Variants in ANKRD13B observed in about 807,000 individuals in gnomAD.
ANKRD13B encodes ankyrin repeat domain-containing protein 13B.
ANKRD13B carries 33 observed loss-of-function variants against 74.4 expected under a neutral mutation model. That is an observed-to-expected ratio of 0.44 (90% confidence interval 0.34 to 0.59). The LOEUF is 0.59. ANKRD13B is among the 20% of genes least tolerant of loss of function. The pLI is 0.02. For synonymous variants in ANKRD13B, 341 were observed against 362.9 expected (o/e 0.94, Z 0.68); for missense variants, 676 against 877.9 (o/e 0.77, Z 2.91).
intron 7 of ANKRD13B, among the ~76,000 whole-genome samples, 197 bp from the exon 8 acceptor site, chr17:29,610,488 G>T (rs890209895): frequency 1.3e-5 from 2 of 152,140 alleles, no homozygotes; most frequent in Admixed American, 6.5e-5. Flanking sequence ...GCACATAAAG[G>T]CTCCTCAAAA....
rs964793712 is a variant in ANKRD13B at position 29,593,604 on chromosome 17, C to T, written c.-18C>T. On this transcript the variant is annotated 5_prime_UTR_variant, in exon 1 of 15. Transcript: ENST00000394859. ...CCTCCCCGGCCGGGCGCCGCGGCCCCGGCATGAGGAGCGGGCGATGATCCC... is the reference window on the plus strand; with the variant it reads ...CCTCCCCGGCCGGGCGCCGCGGCCCTGGCATGAGGAGCGGGCGATGATCCC... 9.4e-6 allele frequency: 12 copies of T among 1,274,570 alleles called. No individual in the cohort carries two copies. The Admixed American group carries it at 3.8e-4, about 40-fold the overall frequency. 79.0% of individuals were successfully genotyped at this position (1,274,570 alleles called of 1,614,324 possible). A position where few individuals can be genotyped will look rare whatever the true frequency, so the allele number is the denominator to read the frequency against.
At chr17:29,607,689 G>A (rs1360115024) in intron 1 of ANKRD13B, 53 bp from the exon 2 acceptor site, 34 of 1,557,124 alleles carry the variant, frequency 2.2e-5, no homozygotes, top group Non-Finnish European at 2.8e-5. Context: ...GGCTCCGGAG[G>A]GCTGCCTCCG....
chr17:29,613,527 G>C lies in ANKRD13B; in HGVS notation c.1826G>C (p.Arg609Pro). 6 of 1,524,388 alleles carry C rather than the reference G, an allele frequency of 3.9e-6. No individual in the cohort carries two copies. The highest frequency in any genetic ancestry group is 2.6e-5 in the East Asian group (1 of 38,172). 94.4% of individuals were successfully genotyped at this position (1,524,388 alleles called of 1,614,324 possible). ...QEQEERRRRA[R>P]QEEEELERIL... ...CAGGAGGAGAGGCGGCGGCGCGCGC[G>C]CCAGGAGGAGGAGGAGCTGGAGCGC... The change falls in exon 15 of 15, where the codon CGC (arginine) becomes CCC (proline). Residue 609 changes from arginine (R) to proline (P), a missense_variant. By Grantham distance (103) the Arg-to-Pro change is moderately radical (BLOSUM62 -2). Coordinates refer to ENST00000394859, the MANE Select transcript of ANKRD13B (RefSeq NM_152345.5).
rs1224665786 is a variant in ANKRD13B at position 29,614,280 on chromosome 17, G to GC, written c.*703dup. ...GTGATCAGGGAGTGTGTCCAACGTA[G>GC]CCCCCTGGCCTGTGCAAGCCCTGAC... On this transcript the variant is annotated 3_prime_UTR_variant, in exon 15 of 15. Transcript: ENST00000394859. The GC allele has an allele frequency of 6.9e-6, 1 of 145,982 alleles. No homozygotes were observed. The highest frequency in any genetic ancestry group is 1.5e-5 in the Non-Finnish European group (1 of 67,228). The allele number at this position is 145,982 out of a possible 1,614,324, so 9.0% of individuals were successfully genotyped here.
intron 1 of ANKRD13B, among the ~76,000 whole-genome samples, chr17:29,605,958 G>T (rs1259423140): frequency 6.6e-6 from 1 of 151,552 alleles, no homozygotes; most frequent in Non-Finnish European, 1.5e-5. Flanking sequence ...TGTCGCCCAG[G>T]CTGGAGTGCA....
chr17:29,600,077 C>T (rs548875085), intron 1 of ANKRD13B, among the ~76,000 whole-genome samples: 8 of 152,024 alleles, frequency 5.3e-5, no homozygotes, highest in East Asian at 3.9e-4. Flanking sequence ...GGGGTTTCAC[C>T]GTGTTAGCCA....
In ANKRD13B at chr17:29,608,031, T is replaced by G; in HGVS notation, c.296T>G (p.Leu99Arg). Residue 99 changes from leucine to arginine, a missense_variant, in exon 3 of 15, where the codon CTG becomes CGG. Physicochemically the swap from Leu to Arg is moderately radical, Grantham distance 102. This residue lies in a region of ANKRD13B where 328 missense variants were observed against 518.4 expected (regional missense o/e 0.63). Transcript: ENST00000394859. The surrounding 1 kb of genome is among the most constrained non-coding windows in gnomAD (Gnocchi z 6.4). ...ACCCGGGACCTGGAGCTGGTGCAGCTGGTGCTTCGGTACCGGGACTACCAG... is the reference window on the plus strand; with the variant it reads ...ACCCGGGACCTGGAGCTGGTGCAGCGGGTGCTTCGGTACCGGGACTACCAG... ...VSTRDLELVQ[L>R]VLRYRDYQRV... 1 of 1,612,516 alleles carries G rather than the reference T, an allele frequency of 6.2e-7. No individual in the cohort carries two copies. The highest frequency in any genetic ancestry group is 8.5e-7 in the Non-Finnish European group (1 of 1,179,350).
chr17:29,600,931 T>C (rs904407622), intron 1 of ANKRD13B, among the ~76,000 whole-genome samples: 1 of 150,254 alleles, frequency 6.7e-6, no homozygotes, highest in Non-Finnish European at 1.5e-5. Context: ...ACTTTTTTTT[T>C]TTTTTTTTTT....
rs139389888 is a variant in ANKRD13B at position 29,609,120 on chromosome 17, C to T, written c.600C>T (p.Asp200=). 1.2e-3 allele frequency: 1,958 copies of T among 1,611,428 alleles called. 6 individuals carry two copies. Among genetic ancestry groups the T allele is most frequent in the African/African-American group, 9.9e-3 (742 of 75,058 alleles). The part of the protein sequence containing the change: ...TSAVVMEIDH[D]RRVVYTETLA... ...CCGTGGTCATGGAGATTGACCACGA[C>T]CGCCGGGTGGTGTACACAGAGACTC... Residue 200 remains aspartate (D), a synonymous_variant, in exon 6 of 15, where the codon GAC becomes GAT. Coordinates refer to ENST00000394859, the MANE Select transcript of ANKRD13B (RefSeq NM_152345.5). The surrounding 1 kb of genome is among the most constrained non-coding windows in gnomAD (Gnocchi z 4.0).
intron 1 of ANKRD13B, among the ~76,000 whole-genome samples, chr17:29,603,090 C>T (rs572467702): frequency 3.3e-5 from 5 of 152,218 alleles, no homozygotes; most frequent in African/African-American, 1.2e-4. Flanking sequence ...ATGTTGTGAT[C>T]CACCCGCCTT....
intron 1 of ANKRD13B, among the ~76,000 whole-genome samples, chr17:29,605,808 G>A (rs1010380964): frequency 6.6e-6 from 1 of 152,140 alleles, no homozygotes; most frequent in Non-Finnish European, 1.5e-5. Context: ...ATTGTTTATG[G>A]TGGCAGAGTA....
intron 1 of ANKRD13B, among the ~76,000 whole-genome samples, chr17:29,606,111 C>T (rs1002150244): frequency 2.6e-5 from 4 of 151,150 alleles, no homozygotes; most frequent in Non-Finnish European, 5.9e-5. Context: ...GGGGTTTCTC[C>T]ATGTTGTCAG....
At chr17:29,602,685 AC>A (rs2034225777) in intron 1 of ANKRD13B, among the ~76,000 whole-genome samples, 1 of 152,142 alleles carries the variant, frequency 6.6e-6, no homozygotes, top group Non-Finnish European at 1.5e-5. Context: ...GAGATCCTTA[AC>A]TTAATTATGT....
intron 7 of ANKRD13B, 99 bp from the exon 8 acceptor site, chr17:29,610,586 C>G (rs2034547256): frequency 1.1e-5 from 11 of 1,021,498 alleles, no homozygotes; most frequent in Non-Finnish European, 1.4e-5. Context: ...AGAGTCTCTC[C>G]AGGACCCTTT....
At chr17:29,598,088 G>A (rs1228850803) in intron 1 of ANKRD13B, among the ~76,000 whole-genome samples, 2 of 151,852 alleles carry the variant, frequency 1.3e-5, no homozygotes, top group African/African-American at 2.4e-5. Flanking sequence ...TCCCGCTGCC[G>A]GGCTCAGGAC....
intron 1 of ANKRD13B, among the ~76,000 whole-genome samples, chr17:29,599,860 A>C (rs1396389483): frequency 1.0e-5 from 1 of 98,642 alleles, no homozygotes; most frequent in Non-Finnish European, 2.0e-5. Flanking sequence ...CTTAGCATCT[A>C]ATTTGTTTTT....
rs1411895303 is a variant in ANKRD13B, at chr17:29,612,032, G to T, written c.1100+26G>T. On this transcript the variant is annotated intron_variant, in intron 10 of 14. Transcript: ENST00000394859. This position sits in a 1 kb window ranked among gnomAD's most constrained non-coding sequence, Gnocchi z 6.1. ...GTGAGGCCCCTGCCGGTGCTGGGAA[G>T]GTGGGGGGCCGGGGCTCCAGGAGAT... 1.9e-6 allele frequency: 3 copies of T among 1,609,256 alleles called. No individual in the cohort carries two copies. The highest frequency in any genetic ancestry group is 2.2e-5 in the East Asian group (1 of 44,788).
At position 29,608,436 on chromosome 17, in the gene ANKRD13B, C is replaced by T. The variant is rs972851083; in HGVS notation, c.421+196C>T. On this transcript the variant is annotated intron_variant, in intron 4 of 14. Transcript: ENST00000394859. The surrounding 1 kb of genome is among the most constrained non-coding windows in gnomAD (Gnocchi z 6.4). ...TGACTCCATTATTATTCTCTTCACTCTGTCATGATTTGCTTACTGTATTCA... is the reference window on the plus strand; with the variant it reads ...TGACTCCATTATTATTCTCTTCACTTTGTCATGATTTGCTTACTGTATTCA... Among the ~76,000 whole-genome samples, 3 of 152,234 alleles carry T rather than the reference C, an allele frequency of 2.0e-5. No individual in the cohort carries two copies. The highest frequency in any genetic ancestry group is 7.2e-5 in the African/African-American group (3 of 41,460).
chr17:29,611,391 G>A lies in ANKRD13B; in HGVS notation c.905-188G>A, dbSNP rs1000390000. On this transcript the variant is annotated intron_variant, in intron 8 of 14. Transcript: ENST00000394859. The surrounding 1 kb of genome is among the most constrained non-coding windows in gnomAD (Gnocchi z 4.3). ...TAGTGTTTTAAGCTGTGCTCACAGAGGCCCTGGCCCCTGGTCCTTGAAGCA... is the reference window on the plus strand; with the variant it reads ...TAGTGTTTTAAGCTGTGCTCACAGAAGCCCTGGCCCCTGGTCCTTGAAGCA... Among the ~76,000 whole-genome samples the A allele has an allele frequency of 6.6e-6, 1 of 152,216 alleles. No homozygotes were observed. Among genetic ancestry groups the A allele is most frequent in the Admixed American group, 6.5e-5 (1 of 15,288 alleles).
Sources: allele counts gnomAD v4.1 joint callset (sites outside exome capture counted in the v4.1 genomes callset), GRCh38; gene constraint gnomAD v4.1.1; regional missense constraint gnomAD v4.1.1; non-coding constraint Gnocchi (gnomAD v3.1); transcripts MANE v1.5; gene names NCBI Gene and HGNC (gene_info 2026-07-23, HGNC 2026-07-21).